Variants in CSMD1 observed in about 807,000 individuals in gnomAD.
The protein encoded by CSMD1 is CUB and sushi domain-containing protein 1.
A neutral mutation model predicts 417.5 loss-of-function variants in CSMD1; 213 were observed. The observed-to-expected ratio is 0.51, with a 90% CI of 0.46 to 0.57. The LOEUF (loss-of-function observed/expected upper bound fraction) is 0.57, where lower values mean the gene tolerates loss of function less well. Among genes scored for constraint, CSMD1 ranks in the 20% least tolerant of loss-of-function variants. The pLI, the probability that CSMD1 is intolerant of heterozygous loss-of-function variation, is 0.00. For synonymous variants in CSMD1, 2,862 were observed against 1,736.8 expected, an observed-to-expected ratio of 1.65 and a Z score of -16.11; for missense variants, 6,923 against 4,529.7, an observed-to-expected ratio of 1.53 and a Z score of -15.17.
chr8:4,388,321 GAC>G lies in CSMD1; in HGVS notation c.415+31630_415+31631del, dbSNP rs71205453. Among the ~76,000 whole-genome samples the G allele has an allele frequency of 6.0e-3, 578 of 95,554 alleles. 4 individuals carry two copies. The highest frequency in any genetic ancestry group is 0.024 in the African/African-American group (535 of 22,224). The allele number at this position is 95,554 out of a possible 152,430, so 62.7% of individuals were successfully genotyped here. A position where few individuals can be genotyped will look rare whatever the true frequency, so the allele number is the denominator to read the frequency against. On this transcript the variant is annotated intron_variant, in intron 3 of 69. Coordinates refer to ENST00000635120, the MANE Select transcript of CSMD1 (RefSeq NM_033225.6). ...ACTGTGATACACACACACACACACA[GAC>G]ACACACACACACACACACACACGAA...
At chr8:4,977,506 T>C (rs1342413203) in intron 1 of CSMD1, among the ~76,000 whole-genome samples, 2 of 152,170 alleles carry the variant, frequency 1.3e-5, no homozygotes, top group Non-Finnish European at 2.9e-5. Flanking sequence ...CACATTGGCA[T>C]GAAAACGTAA....
At chr8:3,486,337 G>C (rs1818033845) in intron 11 of CSMD1, among the ~76,000 whole-genome samples, 1 of 152,194 alleles carries the variant, frequency 6.6e-6, no homozygotes, top group South Asian at 2.1e-4. Flanking sequence ...AAGAGAGGGA[G>C]TCAGGGATGG....
At chr8:3,864,973 C>T (rs983444499) in intron 5 of CSMD1, among the ~76,000 whole-genome samples, 1 of 152,172 alleles carries the variant, frequency 6.6e-6, no homozygotes, top group Admixed American at 6.5e-5. Context: ...CCAGTTTTGG[C>T]AGCATGACAT....
At chr8:4,263,804 A>C (rs1804050669) in intron 3 of CSMD1, among the ~76,000 whole-genome samples, 1 of 152,212 alleles carries the variant, frequency 6.6e-6, no homozygotes, top group Non-Finnish European at 1.5e-5. Flanking sequence ...TGGCTCACCT[A>C]AATTATACAT....
intron 3 of CSMD1, among the ~76,000 whole-genome samples, chr8:4,130,273 A>T (rs1803017921): frequency 6.6e-6 from 1 of 152,192 alleles, no homozygotes. Flanking sequence ...ATATTCATGC[A>T]AACGATTAGT....
At chr8:3,041,034 A>C (rs1457590847) in intron 50 of CSMD1, among the ~76,000 whole-genome samples, 1 of 152,146 alleles carries the variant, frequency 6.6e-6, no homozygotes, top group Non-Finnish European at 1.5e-5. Context: ...ATATCGGTAA[A>C]TAAATTATCA....
intron 3 of CSMD1, among the ~76,000 whole-genome samples, chr8:4,172,920 G>A (rs1261892226): frequency 6.6e-6 from 1 of 152,136 alleles, no homozygotes; most frequent in African/African-American, 2.4e-5. Context: ...CCAGCAACAA[G>A]TTAACAGCAA....
At chr8:4,305,296 G>C (rs552682250) in intron 3 of CSMD1, among the ~76,000 whole-genome samples, 1 of 152,118 alleles carries the variant, frequency 6.6e-6, no homozygotes. Context: ...TCAGCCTCCC[G>C]CTAGGAGAGA....
chr8:4,943,631 G>A (rs1318786944), intron 1 of CSMD1, among the ~76,000 whole-genome samples: 1 of 152,142 alleles, frequency 6.6e-6, no homozygotes, highest in Non-Finnish European at 1.5e-5. Context: ...AGGGTGTGAT[G>A]ATTTATACTA....
At chr8:3,632,581 G>C (rs1268332356) in intron 7 of CSMD1, among the ~76,000 whole-genome samples, 1 of 152,154 alleles carries the variant, frequency 6.6e-6, no homozygotes, top group East Asian at 1.9e-4. Flanking sequence ...GCATAAAGAT[G>C]ATGATTCTGG....
intron 3 of CSMD1, among the ~76,000 whole-genome samples, chr8:4,316,103 C>A (rs1798911829): frequency 6.6e-6 from 1 of 152,102 alleles, no homozygotes; most frequent in African/African-American, 2.4e-5. Context: ...GCCAACCACT[C>A]ATTATTGTTA....
At chr8:4,384,950 T>G (rs1410224755) in intron 3 of CSMD1, among the ~76,000 whole-genome samples, 1 of 152,162 alleles carries the variant, frequency 6.6e-6, no homozygotes, top group Non-Finnish European at 1.5e-5. Context: ...ATCAGGAAAT[T>G]TCCTCTGTCA....
chr8:4,011,541 A>G (rs1010869438), intron 4 of CSMD1, among the ~76,000 whole-genome samples: 6 of 152,162 alleles, frequency 3.9e-5, no homozygotes, highest in African/African-American at 1.4e-4. Context: ...CAGAAGGCCC[A>G]CATGTCAGCC....
At chr8:3,724,179 G>A (rs1802351780) in intron 6 of CSMD1, among the ~76,000 whole-genome samples, 1 of 130,062 alleles carries the variant, frequency 7.7e-6, no homozygotes, top group Admixed American at 9.0e-5. Context: ...AGAAAACAAT[G>A]CTACCTCTTT....
chr8:3,920,762 G>A (rs1030451958), intron 5 of CSMD1, among the ~76,000 whole-genome samples: 7 of 143,260 alleles, frequency 4.9e-5, no homozygotes, highest in African/African-American at 1.8e-4. Context: ...TTGTTAGTGG[G>A]GTATATCCAA....
intron 1 of CSMD1, among the ~76,000 whole-genome samples, chr8:4,906,358 A>G (rs1454129306): frequency 6.6e-6 from 1 of 152,202 alleles, no homozygotes; most frequent in African/African-American, 2.4e-5. Flanking sequence ...TCTTGCATAC[A>G]ACTTATGTTA....
At chr8:3,245,714 G>T (rs1216871861) in intron 26 of CSMD1, among the ~76,000 whole-genome samples, 1 of 152,140 alleles carries the variant, frequency 6.6e-6, no homozygotes, top group African/African-American at 2.4e-5. Flanking sequence ...TAAAACCACA[G>T]CTACCACAGA....
intron 5 of CSMD1, among the ~76,000 whole-genome samples, chr8:3,777,156 AC>A (rs1164394361): frequency 3.5e-5 from 4 of 114,880 alleles, no homozygotes; most frequent in African/African-American, 1.2e-4. Flanking sequence ...ACACACACAC[AC>A]ACATCATATA....
intron 3 of CSMD1, among the ~76,000 whole-genome samples, chr8:4,378,536 G>C (rs75765135): frequency 1.3e-5 from 2 of 152,112 alleles, no homozygotes; most frequent in African/African-American, 4.8e-5. Flanking sequence ...TGAAGTCACC[G>C]TGTGACCATT....
Sources: gnomAD v4.1 joint callset for allele counts (sites outside exome capture counted in the v4.1 genomes callset) on GRCh38, gnomAD v4.1.1 for gene constraint, MANE v1.5 for transcripts, NCBI Gene and HGNC (gene_info 2026-07-23, HGNC 2026-07-21) for gene names.